AK5: variants seen among roughly 807,000 people sequenced by gnomAD.
AK5 encodes the protein adenylate kinase isoenzyme 5.
A neutral mutation model predicts 69.5 loss-of-function variants in AK5; 27 were observed. That is an observed-to-expected ratio of 0.39 (90% CI 0.29 to 0.54). AK5 has a LOEUF of 0.54. AK5 is among the 20% of genes least tolerant of loss of function. The pLI is 0.71. For synonymous variants in AK5, 260 were observed against 244.4 expected (o/e 1.06, Z -0.60); for missense variants, 531 against 700.4 (o/e 0.76, Z 2.73).
Position 77,402,757 on chromosome 1 carries a change from C to T in AK5, c.892-8224C>T, listed in dbSNP as rs1429576247. Among the ~76,000 whole-genome samples, 764 of 151,874 alleles carry T rather than the reference C, an allele frequency of 5.0e-3. 4 individuals are homozygous for T. The highest frequency in any genetic ancestry group is 0.018 in the African/African-American group (730 of 41,404). ...TGTGAATAGTGCCGCAATAAACATA[C>T]GTGTGCATGTGTCTTTATAGCAGCA... On this transcript the variant is annotated intron_variant, in intron 6 of 13. Coordinates refer to ENST00000354567, the MANE Select transcript of AK5 (RefSeq NM_174858.3).
intron 10 of AK5, among the ~76,000 whole-genome samples, chr1:77,508,919 G>A (rs1163679062): frequency 6.6e-6 from 1 of 151,978 alleles, no homozygotes; most frequent in Non-Finnish European, 1.5e-5. Context: ...ACAGGCATGG[G>A]GAGAAGCACT....
At chr1:77,517,751 A>C (rs928674537) in intron 10 of AK5, among the ~76,000 whole-genome samples, 1 of 152,234 alleles carries the variant, frequency 6.6e-6, no homozygotes, top group Non-Finnish European at 1.5e-5. Context: ...ATAACTATTC[A>C]TAATCTTCAA....
chr1:77,423,974 A>T (rs936614168), intron 8 of AK5, among the ~76,000 whole-genome samples: 20 of 152,196 alleles, frequency 1.3e-4, no homozygotes, highest in Admixed American at 4.6e-4. Context: ...TGTCCCACCC[A>T]AAGGGAGAAA....
intron 6 of AK5, among the ~76,000 whole-genome samples, chr1:77,389,219 A>G (rs879433209): frequency 4.6e-5 from 7 of 152,216 alleles, no homozygotes; most frequent in Non-Finnish European, 8.8e-5. Flanking sequence ...GTGATACACT[A>G]TTGGTAAAAG....
chr1:77,318,142 T>A (rs1660336942), intron 5 of AK5, among the ~76,000 whole-genome samples: 1 of 152,174 alleles, frequency 6.6e-6, no homozygotes, highest in African/African-American at 2.4e-5. Flanking sequence ...AAAAGAAGTT[T>A]AAGTGGCTCA....
At chr1:77,508,247 C>CT (rs1220699465) in intron 10 of AK5, among the ~76,000 whole-genome samples, 5 of 152,182 alleles carry the variant, frequency 3.3e-5, no homozygotes, top group Non-Finnish European at 4.4e-5. Context: ...CAGTACATCT[C>CT]TTTTTCCTGT....
intron 8 of AK5, among the ~76,000 whole-genome samples, chr1:77,458,598 G>T (rs563667955): frequency 2.0e-5 from 3 of 152,310 alleles, no homozygotes; most frequent in African/African-American, 7.2e-5. Context: ...GTCTTATGTG[G>T]ATGGCAGCAG....
chr1:77,467,558 T>G (rs1008091055), intron 8 of AK5, among the ~76,000 whole-genome samples: 13 of 152,244 alleles, frequency 8.5e-5, no homozygotes, highest in African/African-American at 1.2e-4. Context: ...CATATGGTAA[T>G]TTCATACCTG....
chr1:77,327,984 A>G (rs1179652739), intron 5 of AK5, among the ~76,000 whole-genome samples: 1 of 152,194 alleles, frequency 6.6e-6, no homozygotes, highest in Non-Finnish European at 1.5e-5. Context: ...GCTGCTTAGC[A>G]TGGAAGACAA....
intron 8 of AK5, among the ~76,000 whole-genome samples, chr1:77,443,696 T>C (rs1207185963): frequency 2.7e-5 from 4 of 150,894 alleles, no homozygotes; most frequent in African/African-American, 7.3e-5. Context: ...TGTGTGTGTG[T>C]GTGTGTGTGT....
intron 8 of AK5, among the ~76,000 whole-genome samples, chr1:77,445,728 G>C (rs977384839): frequency 6.6e-6 from 1 of 152,064 alleles, no homozygotes; most frequent in African/African-American, 2.4e-5. Flanking sequence ...GGGATTACAG[G>C]CACCTGCCAC....
chr1:77,357,402 T>C (rs931219714), intron 6 of AK5, among the ~76,000 whole-genome samples: 69 of 152,206 alleles, frequency 4.5e-4, no homozygotes, highest in Non-Finnish European at 8.5e-4. Context: ...TATATAAACC[T>C]CTCATATCAC....
intron 6 of AK5, among the ~76,000 whole-genome samples, chr1:77,367,554 T>TATATACATATATATATATA (rs59508312): frequency 4.5e-4 from 13 of 28,588 alleles, no homozygotes; most frequent in Non-Finnish European, 8.7e-4. Context: ...ATTTATGTTA[T>TATATACATATATATATATA]TTTTATATAT....
chr1:77,421,227 A>T (rs1650791441), intron 8 of AK5, among the ~76,000 whole-genome samples: 1 of 152,082 alleles, frequency 6.6e-6, no homozygotes, highest in South Asian at 2.1e-4. Context: ...CATATTTATT[A>T]CCTCATTTTA....
At chr1:77,410,271 TTTG>T (rs905960669) in intron 6 of AK5, among the ~76,000 whole-genome samples, 4 of 151,552 alleles carry the variant, frequency 2.6e-5, no homozygotes, top group Non-Finnish European at 4.4e-5. Flanking sequence ...GTTTGGAGGT[TTTG>T]TTGTTGTTGT....
At chr1:77,411,675 A>G in intron 7 of AK5, among the ~76,000 whole-genome samples, 1 of 152,138 alleles carries the variant, frequency 6.6e-6, no homozygotes, top group Admixed American at 6.5e-5. Context: ...CTTCAACATC[A>G]ATTCTATGTG....
chr1:77,410,322 G>A (rs1419772984), intron 6 of AK5, among the ~76,000 whole-genome samples: 1 of 151,938 alleles, frequency 6.6e-6, no homozygotes, highest in African/African-American at 2.4e-5. Flanking sequence ...CTGTCCCCCA[G>A]GCTGGAGTAC....
chr1:77,451,883 C>T (rs780433708), intron 8 of AK5, among the ~76,000 whole-genome samples: 2 of 152,182 alleles, frequency 1.3e-5, no homozygotes, highest in African/African-American at 4.8e-5. Context: ...TTGAAGCAGT[C>T]TGTGCTTACT....
At chr1:77,554,838 T>C (rs552504554) in intron 13 of AK5, among the ~76,000 whole-genome samples, 2 of 150,544 alleles carry the variant, frequency 1.3e-5, no homozygotes, top group East Asian at 2.0e-4. Context: ...GGATGGTCTC[T>C]ATCTCCTGAC....
Sources: allele counts gnomAD v4.1 joint callset (sites outside exome capture counted in the v4.1 genomes callset), GRCh38; gene constraint gnomAD v4.1.1; transcripts MANE v1.5; gene names NCBI Gene and HGNC (gene_info 2026-07-23, HGNC 2026-07-21).